The following RASEF variants were observed in gnomAD, a reference collection of about 807,000 sequenced individuals.
RASEF encodes the protein RAS and EF-hand domain containing.
Under a neutral mutation model 90.1 loss-of-function variants are expected in RASEF, and 68 were observed. The observed-to-expected ratio is 0.75, with a 90% CI of 0.62 to 0.92. The LOEUF (loss-of-function observed/expected upper bound fraction) is 0.92. Among genes scored for constraint, RASEF ranks in the 40% least tolerant of loss-of-function variants. The pLI is 0.00. For missense variants in RASEF, 949 were observed against 937.2 expected (o/e 1.01, Z -0.16); for synonymous variants, 331 against 345.2 (o/e 0.96, Z 0.46).
intron 8 of RASEF, 62 bp from the exon 9 acceptor site, chr9:83,004,648 A>G (rs1183100925): frequency 2.0e-6 from 2 of 979,088 alleles, no homozygotes; most frequent in East Asian, 2.4e-5. Context: ...TTTTATATAC[A>G]CATAGGTACA....
chr9:83,053,732 C>A lies in RASEF; in HGVS notation c.431+8705G>T, dbSNP rs1468606329. On this transcript the variant is annotated intron_variant, in intron 1 of 16. Transcript: ENST00000376447. ...ACTTCCTTCAGGAGCTCTTTTAGGG[C>A]AGGCCTGGTGGTGACAAAATCTCTC... Among the ~76,000 whole-genome samples the A allele has an allele frequency of 3.4e-5, 5 of 146,898 alleles. 1 individual carries two copies. The highest frequency in any genetic ancestry group is 7.4e-5 in the Non-Finnish European group (5 of 67,830).
At chr9:82,998,307 C>T (rs1828958164) in intron 13 of RASEF, 58 bp downstream of exon 13, 1 of 1,008,728 alleles carries the variant, frequency 9.9e-7, no homozygotes, top group African/African-American at 1.6e-5. Context: ...ATCAAGTGGC[C>T]TGCAAGGCTT....
At chr9:83,106,302 T>C in the RASEF span, among the ~76,000 whole-genome samples, 1 of 152,224 alleles carries the variant, frequency 6.6e-6, no homozygotes, top group Non-Finnish European at 1.5e-5. Flanking sequence ...ACACTGTTTA[T>C]TCTTTCACTG....
At chr9:83,208,389 C>T in the RASEF span, among the ~76,000 whole-genome samples, 2 of 152,324 alleles carry the variant, frequency 1.3e-5, no homozygotes, top group Admixed American at 6.5e-5. Flanking sequence ...CTTCCCTCCC[C>T]CAGGTTCCTC....
chr9:83,195,918 G>A, the RASEF span, among the ~76,000 whole-genome samples: 2 of 152,030 alleles, frequency 1.3e-5, no homozygotes, highest in African/African-American at 2.4e-5. Context: ...GTGGGAAGTG[G>A]GACAGCAAAA....
the RASEF span, among the ~76,000 whole-genome samples, chr9:83,076,314 C>A: frequency 6.6e-6 from 1 of 152,066 alleles, no homozygotes; most frequent in South Asian, 2.1e-4. Context: ...CTAATTTTCA[C>A]TAATGTAGTA....
chr9:83,139,780 A>C, the RASEF span, among the ~76,000 whole-genome samples: 2 of 152,204 alleles, frequency 1.3e-5, no homozygotes, highest in East Asian at 3.8e-4. Context: ...TAAAAATCTT[A>C]AGGGTCATGG....
chr9:83,149,119 A>T, the RASEF span, among the ~76,000 whole-genome samples: 4 of 152,292 alleles, frequency 2.6e-5, no homozygotes, highest in South Asian at 8.3e-4. Context: ...AAGGACCTTA[A>T]AGAGCTCCCT....
chr9:83,101,147 A>G, the RASEF span, among the ~76,000 whole-genome samples: 1 of 152,218 alleles, frequency 6.6e-6, no homozygotes, highest in African/African-American at 2.4e-5. Flanking sequence ...GGAAGCTACA[A>G]AAGCATTACT....
At chr9:83,094,947 C>T in the RASEF span, among the ~76,000 whole-genome samples, 5 of 152,140 alleles carry the variant, frequency 3.3e-5, no homozygotes, top group Non-Finnish European at 7.3e-5. Flanking sequence ...TCCAAGCATA[C>T]GTGGGAATCT....
the RASEF span, among the ~76,000 whole-genome samples, chr9:83,212,082 A>G: frequency 6.6e-6 from 1 of 152,204 alleles, no homozygotes; most frequent in African/African-American, 2.4e-5. Flanking sequence ...GTATATATGT[A>G]TATAAAATCA....
At chr9:83,145,786 T>C in the RASEF span, among the ~76,000 whole-genome samples, 1 of 152,082 alleles carries the variant, frequency 6.6e-6, no homozygotes, top group East Asian at 1.9e-4. Context: ...AAATAAAAAT[T>C]ATAACATCTT....
chr9:83,113,045 G>T, the RASEF span, among the ~76,000 whole-genome samples: 5 of 151,994 alleles, frequency 3.3e-5, no homozygotes, highest in African/African-American at 1.2e-4. Flanking sequence ...ACACATATAA[G>T]AAATAAAATA....
At chr9:83,200,438 C>A in the RASEF span, among the ~76,000 whole-genome samples, 1 of 152,084 alleles carries the variant, frequency 6.6e-6, no homozygotes, top group African/African-American at 2.4e-5. Context: ...CAAACAAATA[C>A]AAGAAGCCTC....
At chr9:83,173,654 C>A in the RASEF span, among the ~76,000 whole-genome samples, 1 of 151,702 alleles carries the variant, frequency 6.6e-6, no homozygotes, top group Non-Finnish European at 1.5e-5. Flanking sequence ...TCTGTGTTAT[C>A]TTGAAGTTCA....
chr9:83,062,488 G>A lies in RASEF; in HGVS notation c.380C>T (p.Ala127Val). Residue 127 changes from alanine (A) to valine (V), a missense_variant, in exon 1 of 17, where the codon GCT becomes GTT. Transcript: ENST00000376447. ...AAGTCGCGCCTGGAAATCCTGCCAA[G>A]CCCGGCCGGGACTCGCCGGGCCGCA... ...TSCGPASPGRAWQDFQARLGD... is the reference protein window; with the variant it reads ...TSCGPASPGRVWQDFQARLGD... 1.1e-5 allele frequency: 18 copies of A among 1,612,264 alleles called. No individual in the cohort carries two copies. Among genetic ancestry groups the A allele is most frequent in the Non-Finnish European group, 1.5e-5 (18 of 1,179,534 alleles).
chr9:83,105,554 A>G, the RASEF span, among the ~76,000 whole-genome samples: 1 of 152,178 alleles, frequency 6.6e-6, no homozygotes, highest in South Asian at 2.1e-4. Flanking sequence ...AGAAGTGATT[A>G]ACTGAAAATA....
At chr9:83,190,965 G>C in the RASEF span, among the ~76,000 whole-genome samples, 860 of 152,276 alleles carry the variant, frequency 5.6e-3, 10 homozygotes, top group African/African-American at 0.02. Context: ...AAATAATAAT[G>C]ATATCAGGAT....
At chr9:83,037,256 A>G (rs1000678843) in intron 1 of RASEF, among the ~76,000 whole-genome samples, 1 of 152,154 alleles carries the variant, frequency 6.6e-6, no homozygotes, top group Non-Finnish European at 1.5e-5. Flanking sequence ...CTAGCAGAAG[A>G]AGAACTTCAA....
Sources: gnomAD v4.1 joint callset for allele counts (sites outside exome capture counted in the v4.1 genomes callset) on GRCh38, gnomAD v4.1.1 for gene constraint, MANE v1.5 for transcripts, NCBI Gene and HGNC (gene_info 2026-07-23, HGNC 2026-07-21) for gene names.